The following MAPK10 variants were observed in gnomAD, a reference collection of about 807,000 sequenced individuals.
MAPK10 encodes the protein JNK3 alpha protein kinase.
A neutral mutation model predicts 59.3 loss-of-function variants in MAPK10; 25 were observed. The ratio of observed to expected loss-of-function variants is 0.42; its 90% CI spans 0.31 to 0.59. The LOEUF is 0.59. Among genes scored for constraint, MAPK10 ranks in the 20% least tolerant of loss-of-function variants. MAPK10 has a pLI of 0.15. For synonymous variants in MAPK10, 190 were observed against 200.5 expected (o/e 0.95, Z 0.44); for missense variants, 351 against 568.9 (o/e 0.62, Z 3.90).
At chr4:86,535,966 A>G (rs561438642) in intron 1 of MAPK10, among the ~76,000 whole-genome samples, 1 of 152,336 alleles carries the variant, frequency 6.6e-6, no homozygotes, top group East Asian at 1.9e-4. Context: ...CAAGAGAATC[A>G]TAAGATGTAA....
intron 1 of MAPK10, among the ~76,000 whole-genome samples, chr4:86,576,774 CA>C (rs5860029): frequency 0.97 from 137,832 of 142,456 alleles, 66,728 homozygotes; most frequent in Non-Finnish European, 0.99. Context: ...GACTCCGTCC[CA>C]AAAAAAAAAA....
intron 9 of MAPK10, among the ~76,000 whole-genome samples, chr4:86,071,148 A>G (rs1354860560): frequency 1.3e-5 from 2 of 152,002 alleles, no homozygotes; most frequent in Admixed American, 1.3e-4. Flanking sequence ...GCCAGTGATG[A>G]TGAGCATTTT....
intron 2 of MAPK10, among the ~76,000 whole-genome samples, chr4:86,245,488 T>G (rs2093025203): frequency 6.6e-6 from 1 of 152,104 alleles, no homozygotes; most frequent in African/African-American, 2.4e-5. Context: ...TTAAAATTTT[T>G]AATTAAAATT....
chr4:86,117,516 G>A (rs971998922), intron 4 of MAPK10: 1 of 152,154 alleles, frequency 6.6e-6, no homozygotes, highest in Non-Finnish European at 1.5e-5. Flanking sequence ...GGATACTGTG[G>A]TTTGGTTTAC....
rs148101004 is a variant in MAPK10, at chr4:86,159,300, A to T, written c.234T>A (p.Val78=). The change falls in exon 4 of 14, where the codon GTT becomes GTA. Residue 78 remains valine (V), a splice_region_variant and synonymous_variant. Coordinates refer to ENST00000641462, the MANE Select transcript of MAPK10 (RefSeq NM_138982.4). ...KPIGSGAQGI[V]CAAYDAVLDR... is the part of the protein sequence containing the mutation. Reference sequence around the variant, plus strand: ...TACAGCAAATCCATTCCGCTTACCAAACTATGCCCTGAGCCCCAGAGCCAA... The same window carrying T: ...TACAGCAAATCCATTCCGCTTACCATACTATGCCCTGAGCCCCAGAGCCAA... 6.2e-7 allele frequency: 1 copy of T among 1,600,082 alleles called. No individual in the cohort carries two copies. Among genetic ancestry groups the T allele is most frequent in the Non-Finnish European group, 8.5e-7 (1 of 1,173,636 alleles).
At chr4:86,581,995 G>T (rs1388906104) in intron 1 of MAPK10, among the ~76,000 whole-genome samples, 5 of 142,550 alleles carry the variant, frequency 3.5e-5, no homozygotes, top group Non-Finnish European at 7.5e-5. Context: ...CACAACTGAT[G>T]TCCAAACAGG....
At position 86,211,760 on chromosome 4, in the gene MAPK10, G is replaced by A. The variant is rs559717123; in HGVS notation, c.-6-17353C>T. 8.1e-4 allele frequency among the ~76,000 whole-genome samples: 123 copies of A among 151,932 alleles called. 4 individuals are homozygous for A. Among genetic ancestry groups the A allele is most frequent in the Non-Finnish European group, 3.7e-4 (25 of 67,968 alleles). ...GCACTGAGAAGAACTGCTTGTTTTT[G>A]GACACACACAATGTAAATGTAATTT... is the stretch of plus-strand genomic sequence containing the variant. On this transcript the variant is annotated intron_variant, in intron 2 of 13. Transcript: ENST00000641462.
chr4:86,306,902 G>C (rs1311876884), intron 2 of MAPK10, among the ~76,000 whole-genome samples: 1 of 152,128 alleles, frequency 6.6e-6, no homozygotes, highest in East Asian at 1.9e-4. Context: ...CTTTGTGGAG[G>C]GAAATATCTC....
chr4:86,180,575 A>T (rs184057382), intron 3 of MAPK10, among the ~76,000 whole-genome samples: 1 of 152,154 alleles, frequency 6.6e-6, no homozygotes, highest in East Asian at 1.9e-4. Flanking sequence ...TATTCACAAT[A>T]GCCAAGACAT....
chr4:86,304,527 G>C (rs1169493000), intron 2 of MAPK10, among the ~76,000 whole-genome samples: 3 of 150,406 alleles, frequency 2.0e-5, no homozygotes, highest in Non-Finnish European at 4.4e-5. Flanking sequence ...CGAGTAGCTG[G>C]GACTACAGGC....
rs79419432 is a variant in MAPK10, at chr4:86,560,055, A to G, written c.-263+33855T>C. Among the ~76,000 whole-genome samples, 574 of 152,336 alleles carry G rather than the reference A, an allele frequency of 3.8e-3. 2 individuals are homozygous for G. The highest frequency in any genetic ancestry group is 6.1e-3 in the Non-Finnish European group (414 of 68,026). ...TCATGTTGTATTGTAAAGACAAAAA[A>G]TAAAATAAAAATAGAATATTACTAA... On this transcript the variant is annotated intron_variant, in intron 1 of 4. Coordinates refer to the MAPK10 transcript ENST00000502302.
At chr4:86,075,142 T>C (rs1579717996) in intron 9 of MAPK10, among the ~76,000 whole-genome samples, 1 of 152,070 alleles carries the variant, frequency 6.6e-6, no homozygotes, top group African/African-American at 2.4e-5. Context: ...ATTTCATTCA[T>C]TTCATCTTCC....
At chr4:86,168,784 C>T (rs1416884034) in intron 3 of MAPK10, among the ~76,000 whole-genome samples, 2 of 152,170 alleles carry the variant, frequency 1.3e-5, no homozygotes, top group East Asian at 1.9e-4. Flanking sequence ...GACCCCTGAC[C>T]CCCGAGCAGC....
chr4:86,539,253 A>G (rs1381618999), intron 1 of MAPK10, among the ~76,000 whole-genome samples: 4 of 152,234 alleles, frequency 2.6e-5, no homozygotes, highest in Admixed American at 6.5e-5. Flanking sequence ...GAAAAAAAAG[A>G]TAAAGAAAAA....
intron 2 of MAPK10, among the ~76,000 whole-genome samples, chr4:86,330,672 T>C (rs990811427): frequency 1.3e-5 from 2 of 152,186 alleles, no homozygotes; most frequent in Non-Finnish European, 2.9e-5. Flanking sequence ...GATTGAAATT[T>C]ACTGAGGCCT....
chr4:86,535,800 C>G (rs1285634461), intron 1 of MAPK10, among the ~76,000 whole-genome samples: 1 of 152,186 alleles, frequency 6.6e-6, no homozygotes, highest in African/African-American at 2.4e-5. Flanking sequence ...AGAATGTGAT[C>G]TACCAAATTC....
intron 9 of MAPK10, chr4:86,095,647 GC>G (rs1278820639): frequency 2.0e-5 from 3 of 151,754 alleles, no homozygotes; most frequent in Non-Finnish European, 4.4e-5. Flanking sequence ...ACTTGAATCA[GC>G]CCTCAGCCTT....
At chr4:86,137,608 C>A (rs1412797935) in intron 4 of MAPK10, among the ~76,000 whole-genome samples, 1 of 130,306 alleles carries the variant, frequency 7.7e-6, no homozygotes, top group East Asian at 2.1e-4. Flanking sequence ...GACACCCTAA[C>A]ATCACAATTA....
At chr4:86,304,614 G>T (rs975142522) in intron 2 of MAPK10, among the ~76,000 whole-genome samples, 1 of 151,342 alleles carries the variant, frequency 6.6e-6, no homozygotes, top group Non-Finnish European at 1.5e-5. Context: ...AGATGGTCTC[G>T]ATCTCCTGAC....
Sources: gnomAD v4.1 joint callset for allele counts (sites outside exome capture counted in the v4.1 genomes callset) on GRCh38, gnomAD v4.1.1 for gene constraint, MANE v1.5 for transcripts, NCBI Gene and HGNC (gene_info 2026-07-23, HGNC 2026-07-21) for gene names.